The following RAD51B variants were observed in gnomAD, a reference collection of about 807,000 sequenced individuals.
RAD51B encodes the protein DNA repair protein RAD51 homolog 2.
In RAD51B, 38 loss-of-function variants were observed where a neutral mutation model predicts 42.2. The observed-to-expected ratio is 0.90, with a 90% CI of 0.70 to 1.18. RAD51B has a LOEUF of 1.18. Ranked by LOEUF, RAD51B falls within the 50% of genes most tolerant of loss-of-function variation. The pLI is 0.00. For synonymous variants in RAD51B, 154 were observed against 145.2 expected (o/e 1.06, Z -0.43); for missense variants, 373 against 400.7 (o/e 0.93, Z 0.59).
At chr14:68,355,220 T>C (rs552688441) in intron 8 of RAD51B, among the ~76,000 whole-genome samples, 1 of 152,358 alleles carries the variant, frequency 6.6e-6, no homozygotes, top group East Asian at 1.9e-4. Flanking sequence ...ACATATTTGT[T>C]TGTTAACTCT....
intron 10 of RAD51B, among the ~76,000 whole-genome samples, chr14:68,588,313 A>G (rs1890584529): frequency 6.6e-6 from 1 of 152,356 alleles, no homozygotes; most frequent in Admixed American, 6.5e-5. Flanking sequence ...CAGCACAGAG[A>G]TGATTGCTCA....
chr14:68,375,724 T>G (rs1806709209), intron 8 of RAD51B, among the ~76,000 whole-genome samples: 1 of 152,130 alleles, frequency 6.6e-6, no homozygotes, highest in South Asian at 2.1e-4. Flanking sequence ...ATTTGTTGAA[T>G]GCATTAATGA....
In RAD51B at chr14:68,089,812, G is replaced by A. The variant is rs182409708; in HGVS notation, c.757-202072G>A. Among the ~76,000 whole-genome samples the A allele has an allele frequency of 1.9e-3, 283 of 152,256 alleles. 1 individual carries two copies. Among genetic ancestry groups the A allele is most frequent in the Non-Finnish European group, 3.1e-3 (211 of 68,016 alleles). On this transcript the variant is annotated intron_variant, in intron 7 of 10. Transcript: ENST00000471583. ...TTACACTTCAAGATAGTAGTTTCTT[G>A]TAAGAGATGTAGGCAGCAGATATTT...
intron 8 of RAD51B, among the ~76,000 whole-genome samples, chr14:68,357,542 A>G (rs949614849): frequency 1.3e-5 from 2 of 152,106 alleles, no homozygotes; most frequent in African/African-American, 4.8e-5. Flanking sequence ...GCCCAGATCC[A>G]TAAGAGGAAT....
intron 11 of RAD51B, among the ~76,000 whole-genome samples, chr14:68,668,325 G>A (rs1440081481): frequency 1.3e-5 from 2 of 152,208 alleles, no homozygotes; most frequent in Non-Finnish European, 2.9e-5. Flanking sequence ...TTTTGTCTGA[G>A]GACCTTCATT....
rs553912537 is a variant in RAD51B, at chr14:68,389,314, A to G, written c.854-22110A>G. 2.2e-3 allele frequency among the ~76,000 whole-genome samples: 338 copies of G among 151,634 alleles called. 3 individuals carry two copies. The highest frequency in any genetic ancestry group is 7.8e-3 in the African/African-American group (321 of 41,264). ...ACCCTCATCCCAAAGGTAACTAACT[A>G]CTATCTGGACTTCTACAACCATGGA... is the stretch of plus-strand genomic sequence containing the variant. On this transcript the variant is annotated intron_variant, in intron 8 of 10. Coordinates refer to ENST00000471583, the MANE Select transcript of RAD51B (RefSeq NM_133510.4).
At chr14:68,646,060 G>A (rs1439354731) in intron 10 of RAD51B, among the ~76,000 whole-genome samples, 1 of 137,394 alleles carries the variant, frequency 7.3e-6, no homozygotes, top group Non-Finnish European at 1.6e-5. Flanking sequence ...AGTTTGCTAG[G>A]CATCTTTTTT....
At chr14:68,569,827 C>T (rs1437863863) in intron 10 of RAD51B, among the ~76,000 whole-genome samples, 1 of 152,176 alleles carries the variant, frequency 6.6e-6, no homozygotes, top group South Asian at 2.1e-4. Context: ...TAGGGAGCCC[C>T]CCAACCCAGG....
At chr14:68,240,490 G>A (rs191970367) in intron 7 of RAD51B, among the ~76,000 whole-genome samples, 20 of 152,314 alleles carry the variant, frequency 1.3e-4, no homozygotes, top group Middle Eastern at 6.8e-3. Flanking sequence ...TTTATCTAAC[G>A]AAAGAAAAGC....
chr14:68,596,079 C>T, downstream of RAD51B: 1 of 1,016,472 alleles, frequency 9.8e-7, no homozygotes, highest in Non-Finnish European at 1.2e-6. Context: ...TATCCCATGT[C>T]TATTCTCCAT....
chr14:68,109,357 T>C (rs999151661), intron 7 of RAD51B, among the ~76,000 whole-genome samples: 2 of 152,030 alleles, frequency 1.3e-5, no homozygotes, highest in Non-Finnish European at 2.9e-5. Context: ...TACATGTCTC[T>C]CTCTTTTGTA....
intron 7 of RAD51B, among the ~76,000 whole-genome samples, chr14:68,250,515 C>G (rs1444001403): frequency 6.6e-6 from 1 of 152,164 alleles, no homozygotes; most frequent in Non-Finnish European, 1.5e-5. Flanking sequence ...TAGATGTTTT[C>G]AAATATTATA....
At chr14:68,484,359 C>CT (rs10665607) in intron 10 of RAD51B, among the ~76,000 whole-genome samples, 23,990 of 130,006 alleles carry the variant, frequency 0.18, 2,779 homozygotes, top group Non-Finnish European at 0.25. Context: ...CTTTCTTTTT[C>CT]TTTTTTTTTT....
At chr14:68,286,335 T>G (rs1385738828) in intron 7 of RAD51B, among the ~76,000 whole-genome samples, 3 of 152,236 alleles carry the variant, frequency 2.0e-5, no homozygotes, top group Non-Finnish European at 4.4e-5. Flanking sequence ...ATGGCGTTTG[T>G]CAGATTCTTG....
chr14:68,361,967 C>A (rs565553127), intron 8 of RAD51B, among the ~76,000 whole-genome samples: 1 of 152,296 alleles, frequency 6.6e-6, no homozygotes, highest in South Asian at 2.1e-4. Context: ...TGAACCACTG[C>A]ACCTGGCCCC....
chr14:68,032,619 C>A (rs1229090139), intron 7 of RAD51B, among the ~76,000 whole-genome samples: 1 of 152,118 alleles, frequency 6.6e-6, no homozygotes, highest in Non-Finnish European at 1.5e-5. Flanking sequence ...TCTTTGGGTG[C>A]TACCATTTCA....
At chr14:68,487,489 A>C (rs1232471141) in intron 10 of RAD51B, among the ~76,000 whole-genome samples, 1 of 151,162 alleles carries the variant, frequency 6.6e-6, no homozygotes, top group Non-Finnish European at 1.5e-5. Flanking sequence ...GTTGTTGATC[A>C]TGATGTACAA....
In RAD51B at chr14:68,508,055, G is replaced by A. The variant is rs371426872; in HGVS notation, c.1036+39805G>A. Among the ~76,000 whole-genome samples the A allele has an allele frequency of 1.4e-4, 21 of 152,282 alleles. No homozygotes were observed. In the East Asian group the frequency reaches 3.3e-3, roughly 24 times the overall value. ...GAGGTGTCGTGCTATTTCTCCATCT[G>A]GCCAAGGGTTTAACCCTGCTGAAGA... On this transcript the variant is annotated intron_variant, in intron 10 of 10. Coordinates refer to the RAD51B transcript ENST00000487270.
At chr14:68,433,787 C>T (rs1390266104) in intron 9 of RAD51B, among the ~76,000 whole-genome samples, 3 of 152,194 alleles carry the variant, frequency 2.0e-5, no homozygotes, top group Non-Finnish European at 4.4e-5. Flanking sequence ...CCATTGCTGG[C>T]GAGGAGCTGC....
Sources: gnomAD v4.1 joint callset for allele counts (sites outside exome capture counted in the v4.1 genomes callset) on GRCh38, gnomAD v4.1.1 for gene constraint, MANE v1.5 for transcripts, NCBI Gene and HGNC (gene_info 2026-07-23, HGNC 2026-07-21) for gene names.